Variants in RUFY2 observed in about 807,000 individuals in gnomAD.
RUFY2 encodes RUN and FYVE domain containing 2, also known as RUN and FYVE domain-containing protein 2.
A neutral mutation model predicts 94.4 loss-of-function variants in RUFY2; 49 were observed. The observed-to-expected ratio is 0.52, with a 90% confidence interval of 0.41 to 0.66. RUFY2 has a LOEUF of 0.66. RUFY2 is among the 30% of genes least tolerant of loss of function. The pLI, the probability that RUFY2 is intolerant of heterozygous loss-of-function variation, is 0.00. For missense variants in RUFY2, 541 were observed against 692.8 expected, an observed-to-expected ratio of 0.78 and a Z score of 2.46; for synonymous variants, 255 against 235.7, an observed-to-expected ratio of 1.08 and a Z score of -0.75.
chr10:68,362,135 G>A (rs2047497781), intron 15 of RUFY2, among the ~76,000 whole-genome samples: 1 of 152,004 alleles, frequency 6.6e-6, no homozygotes, highest in South Asian at 2.1e-4. Context: ...GACCAGCCTG[G>A]ACAACATACC....
chr10:68,346,196 TAA>T (rs1491120027), intron 16 of RUFY2, 112 bp from the exon 17 acceptor site: 3 of 783,158 alleles, frequency 3.8e-6, no homozygotes, highest in Non-Finnish European at 6.1e-6. Context: ...GAATGGAAAA[TAA>T]GTTATTTTCT....
At chr10:68,352,948 T>A (rs1283733430) in intron 16 of RUFY2, among the ~76,000 whole-genome samples, 1 of 151,078 alleles carries the variant, frequency 6.6e-6, no homozygotes, top group Non-Finnish European at 1.5e-5. Context: ...AATTATTAAC[T>A]CCAGAGGAAG....
In RUFY2 at chr10:68,345,758, T is replaced by C. The variant is rs1197951380; in HGVS notation, c.*10A>G. On this transcript the variant is annotated 3_prime_UTR_variant, in exon 18 of 18. Coordinates refer to ENST00000602465, the MANE Select transcript of RUFY2 (RefSeq NM_001330103.2). ...GGTAATTTCATACATAAGGATTTAG[T>C]TCTGGAGTCTCAGGGCAAGTTAGAT... 9.9e-6 allele frequency: 16 copies of C among 1,608,260 alleles called. No homozygotes were observed. Among genetic ancestry groups the C allele is most frequent in the Non-Finnish European group, 1.2e-5 (14 of 1,176,318 alleles).
intron 16 of RUFY2, among the ~76,000 whole-genome samples, chr10:68,350,084 A>G (rs904295149): frequency 6.6e-6 from 1 of 151,934 alleles, no homozygotes; most frequent in African/African-American, 2.4e-5. Flanking sequence ...ATCTCAGCAC[A>G]CTACAACCTC....
At chr10:68,397,028 A>G (rs1276973506) in intron 3 of RUFY2, 147 bp from the exon 4 acceptor site, 2 of 564,384 alleles carry the variant, frequency 3.5e-6, no homozygotes, top group African/African-American at 3.7e-5. Context: ...TGAGCACACA[A>G]ACCAATCCCT....
chr10:68,397,346 TAA>T (rs1183667392), intron 3 of RUFY2, among the ~76,000 whole-genome samples: 2 of 152,264 alleles, frequency 1.3e-5, no homozygotes, highest in Admixed American at 6.5e-5. Flanking sequence ...ATGGAAATGG[TAA>T]AGTCAAAATA....
intron 9 of RUFY2, 60 bp from the exon 10 acceptor site, chr10:68,383,974 A>G (rs199516385): frequency 6.4e-7 from 1 of 1,573,082 alleles, no homozygotes; most frequent in South Asian, 1.1e-5. Flanking sequence ...GCATAGAAAT[A>G]CCTACTTCAT....
At chr10:68,374,042 A>G (rs1396492218) in intron 13 of RUFY2, among the ~76,000 whole-genome samples, 1 of 144,746 alleles carries the variant, frequency 6.9e-6, no homozygotes, top group African/African-American at 2.5e-5. Flanking sequence ...GCTTGAGCCT[A>G]GGAGATCAAG....
At chr10:68,348,519 G>GA in intron 16 of RUFY2, among the ~76,000 whole-genome samples, 1 of 135,650 alleles carries the variant, frequency 7.4e-6, no homozygotes. Context: ...CTGTCTCTGA[G>GA]GGGAAAAAAA....
chr10:68,366,472 G>A (rs1274886607), intron 13 of RUFY2, among the ~76,000 whole-genome samples: 4 of 151,448 alleles, frequency 2.6e-5, no homozygotes, highest in African/African-American at 9.7e-5. Context: ...GCTGGGCGCA[G>A]TGGCTTATGC....
At chr10:68,370,120 C>CA (rs1209900387) in intron 13 of RUFY2, among the ~76,000 whole-genome samples, 1 of 151,840 alleles carries the variant, frequency 6.6e-6, no homozygotes, top group Non-Finnish European at 1.5e-5. Context: ...CTCATCTCTA[C>CA]AAAAAATACA....
intron 7 of RUFY2, among the ~76,000 whole-genome samples, chr10:68,390,345 T>C (rs537972689): frequency 7.2e-5 from 11 of 152,142 alleles, no homozygotes; most frequent in Non-Finnish European, 1.0e-4. Context: ...TCAGAAAATA[T>C]AGAAAAGTAC....
intron 7 of RUFY2, among the ~76,000 whole-genome samples, chr10:68,386,810 TA>T (rs2049537452): frequency 6.6e-6 from 1 of 152,200 alleles, no homozygotes. Flanking sequence ...ATGAGGCATA[TA>T]AACAATGGTC....
chr10:68,401,614 C>T lies in RUFY2; in HGVS notation c.296+6G>A. 1 of 1,567,878 alleles carries T rather than the reference C, an allele frequency of 6.4e-7. No individual in the cohort carries two copies. The highest frequency in any genetic ancestry group is 2.2e-5 in the East Asian group (1 of 44,632). The stretch of plus-strand genomic sequence containing the variant: ...CTAGGGATGAACAAGTAATAGGCCT[C>T]CTTACTTCAGACCAGGTAGATCCCG... On this transcript the variant is annotated splice_donor_region_variant and intron_variant, in intron 3 of 17. Coordinates refer to ENST00000602465, the MANE Select transcript of RUFY2 (RefSeq NM_001330103.2).
At chr10:68,398,671 T>G (rs1336388481) in intron 3 of RUFY2, among the ~76,000 whole-genome samples, 1 of 151,958 alleles carries the variant, frequency 6.6e-6, no homozygotes, top group African/African-American at 2.4e-5. Context: ...TAATAATAAT[T>G]TTTTTAAAAA....
chr10:68,365,858 G>A (rs1317253311), intron 13 of RUFY2, among the ~76,000 whole-genome samples: 1 of 152,152 alleles, frequency 6.6e-6, no homozygotes. Flanking sequence ...AGGACTTACT[G>A]TGTATGTTAC....
chr10:68,377,062 A>C, intron 12 of RUFY2, 90 bp from the exon 13 acceptor site: 1 of 1,559,780 alleles, frequency 6.4e-7, no homozygotes, highest in Non-Finnish European at 8.6e-7. Flanking sequence ...AAAATGGGGA[A>C]ATAGAAACAT....
At chr10:68,376,762 A>G in intron 13 of RUFY2, 91 bp downstream of exon 13, 1 of 1,258,166 alleles carries the variant, frequency 7.9e-7, no homozygotes, top group Non-Finnish European at 1.1e-6. Flanking sequence ...ATCATTAGAT[A>G]AATAAAAATA....
rs963397882 is a variant in RUFY2 at position 68,359,606 on chromosome 10, CTATA to C, written c.1550+3980_1550+3983del. Reference sequence around the variant, plus strand: ...ATAAATATACATAGTAGTAGTGCTACTATATATATATAAAAATATACATAGTAGT... The same window carrying C: ...ATAAATATACATAGTAGTAGTGCTACTATATATAAAAATATACATAGTAGT... On this transcript the variant is annotated intron_variant, in intron 15 of 17. Coordinates refer to ENST00000602465, the MANE Select transcript of RUFY2 (RefSeq NM_001330103.2). Among the ~76,000 whole-genome samples, 3 of 144,250 alleles carry C rather than the reference CTATA, an allele frequency of 2.1e-5. No individual in the cohort carries two copies. In the South Asian group the frequency reaches 6.4e-4, roughly 31 times the overall value. 94.6% of individuals were successfully genotyped at this position (144,250 alleles called of 152,430 possible).
Sources: allele counts gnomAD v4.1 joint callset (sites outside exome capture counted in the v4.1 genomes callset), GRCh38; gene constraint gnomAD v4.1.1; transcripts MANE v1.5; gene names NCBI Gene and HGNC (gene_info 2026-07-23, HGNC 2026-07-21).